The following NACC1 variants were observed in gnomAD, a reference collection of about 807,000 sequenced individuals.
NACC1 encodes the protein nucleus accumbens-associated protein 1.
A neutral mutation model predicts 41.7 loss-of-function variants in NACC1; 6 were observed. The ratio of observed to expected loss-of-function variants is 0.14; its 90% CI spans 0.08 to 0.28. The LOEUF (loss-of-function observed/expected upper bound fraction) is 0.28, where lower values mean the gene tolerates loss of function less well. Among genes scored for constraint, NACC1 ranks in the 10% least tolerant of loss-of-function variants. NACC1 has a pLI of 1.00. For synonymous variants in NACC1, 338 were observed against 330.6 expected (o/e 1.02, Z -0.24); for missense variants, 434 against 763.7 (o/e 0.57, Z 5.09).
intron 1 of NACC1, among the ~76,000 whole-genome samples, chr19:13,134,360 T>C (rs183825863): frequency 1.3e-5 from 2 of 151,176 alleles, no homozygotes; most frequent in East Asian, 3.9e-4. Context: ...GCACCCAGCC[T>C]CATGCAATTT....
rs567914409 is a variant in NACC1, at chr19:13,140,984, G to C, written c.*2578G>C. On this transcript the variant is annotated 3_prime_UTR_variant, in exon 6 of 6. Transcript: ENST00000292431. This position sits in a 1 kb window ranked among gnomAD's most constrained non-coding sequence, Gnocchi z 4.0. ...AGGCTGCCCACCCTGTCCACGTGAA[G>C]TGCCAACGCCCTCCCCACCCTGGGC... 7.9e-4 allele frequency: 120 copies of C among 152,578 alleles called. No homozygotes were observed. The highest frequency in any genetic ancestry group is 2.9e-3 in the African/African-American group (120 of 41,496). 9.5% of individuals were successfully genotyped at this position (152,578 alleles called of 1,614,324 possible).
At position 13,139,770 on chromosome 19, in the gene NACC1, C is replaced by T. The variant is rs190705253; in HGVS notation, c.*1364C>T. ...TTTACCATTCCTCTCTTTTTGTTCTCGCCCAGAGTGGGTGGTTTTTTGTTG... is the reference window on the plus strand; with the variant it reads ...TTTACCATTCCTCTCTTTTTGTTCTTGCCCAGAGTGGGTGGTTTTTTGTTG... On this transcript the variant is annotated 3_prime_UTR_variant, in exon 6 of 6. Coordinates refer to ENST00000292431, the MANE Select transcript of NACC1 (RefSeq NM_052876.4). 384 of 152,578 alleles carry T rather than the reference C, an allele frequency of 2.5e-3. 6 individuals are homozygous for T. The South Asian group carries it at 0.044, about 17-fold the overall frequency. The allele number at this position is 152,578 out of a possible 1,614,324, so 9.5% of individuals were successfully genotyped here.
intron 1 of NACC1, among the ~76,000 whole-genome samples, chr19:13,123,204 T>C (rs920803857): frequency 6.6e-6 from 1 of 152,214 alleles, no homozygotes; most frequent in Non-Finnish European, 1.5e-5. Context: ...TTGCACTTAC[T>C]GTTGTTCCCT....
At chr19:13,117,524 TTTC>T (rs1447698991), upstream of NACC1, 1 of 152,188 alleles carries the variant, frequency 6.6e-6, no homozygotes, top group Non-Finnish European at 1.5e-5. Context: ...CTTGACCAGC[TTTC>T]TTCATTTCTC....
intron 1 of NACC1, among the ~76,000 whole-genome samples, chr19:13,132,770 T>A (rs1202121420): frequency 2.0e-5 from 3 of 152,176 alleles, no homozygotes; most frequent in Non-Finnish European, 4.4e-5. Context: ...TAGTAATGTT[T>A]CCGTGTAATT....
intron 1 of NACC1, among the ~76,000 whole-genome samples, chr19:13,121,555 G>C (rs2019493296): frequency 6.6e-6 from 1 of 152,174 alleles, no homozygotes; most frequent in African/African-American, 2.4e-5. Context: ...AGCCTTACAG[G>C]GTCTATTGAA....
intron 1 of NACC1, among the ~76,000 whole-genome samples, chr19:13,128,755 T>C (rs1045814302): frequency 2.0e-5 from 3 of 152,266 alleles, no homozygotes; most frequent in Non-Finnish European, 4.4e-5. Context: ...TTTGTCACCA[T>C]TGTGGCCTGC....
intron 1 of NACC1, among the ~76,000 whole-genome samples, chr19:13,123,109 A>G (rs2019519723): frequency 6.6e-6 from 1 of 152,160 alleles, no homozygotes; most frequent in Non-Finnish European, 1.5e-5. Context: ...GTTCCCTAGC[A>G]CAGCCCAGCA....
chr19:13,122,526 G>T lies in NACC1; in HGVS notation c.-9+4072G>T, dbSNP rs575450859. Among the ~76,000 whole-genome samples, 62 of 112,422 alleles carry T rather than the reference G, an allele frequency of 5.5e-4. 1 individual carries two copies. Among genetic ancestry groups the T allele is most frequent in the South Asian group, 3.1e-3 (12 of 3,844 alleles). 73.8% of individuals were successfully genotyped at this position (112,422 alleles called of 152,430 possible). A position where few individuals can be genotyped will look rare whatever the true frequency, so the allele number is the denominator to read the frequency against. On this transcript the variant is annotated intron_variant, in intron 1 of 5. Coordinates refer to ENST00000292431, the MANE Select transcript of NACC1 (RefSeq NM_052876.4). ...GGACATTTTTGGTTGCCCCTGCCGGGGGGGGGGGGGTGTGCTGCTGGCATC... is the reference window on the plus strand; with the variant it reads ...GGACATTTTTGGTTGCCCCTGCCGGTGGGGGGGGGGTGTGCTGCTGGCATC...
chr19:13,135,795 C>T lies in NACC1; in HGVS notation c.588C>T (p.Gly196=), dbSNP rs758066919. 239 of 1,556,000 alleles carry T rather than the reference C, an allele frequency of 1.5e-4. 2 individuals carry two copies. In the Middle Eastern group the frequency reaches 5.0e-3, roughly 32 times the overall value. The change falls in exon 2 of 6, where the codon GGC becomes GGT. Residue 196 remains glycine (G), a synonymous_variant. Transcript: ENST00000292431. ...WDSGQKEAGG[G]GNGSRKMAKF... Reference sequence around the variant, plus strand: ...GTGGCCAGAAGGAGGCTGGGGGCGGCGGCAATGGCAGCCGCAAGATGGCCA... The same window carrying T: ...GTGGCCAGAAGGAGGCTGGGGGCGGTGGCAATGGCAGCCGCAAGATGGCCA...
Position 13,126,758 on chromosome 19 carries a change from C to T in NACC1, c.-9+8304C>T, listed in dbSNP as rs559510336. Among the ~76,000 whole-genome samples the T allele has an allele frequency of 2.8e-4, 43 of 152,226 alleles. 1 individual carries two copies. The highest frequency in any genetic ancestry group is 1.0e-3 in the African/African-American group (43 of 41,548). On this transcript the variant is annotated intron_variant, in intron 1 of 5. Coordinates refer to ENST00000292431, the MANE Select transcript of NACC1 (RefSeq NM_052876.4). ...CTGAGCCCTATTCCTGTTTGAGCCA[C>T]GTTAATGTGGAACAAAACAGGGAGT...
chr19:13,138,666 C>G lies in NACC1; in HGVS notation c.*260C>G. 2 of 545,192 alleles carry G rather than the reference C, an allele frequency of 3.7e-6. No individual in the cohort carries two copies. The highest frequency in any genetic ancestry group is 4.1e-5 in the South Asian group (2 of 48,590). The allele number at this position is 545,192 out of a possible 1,614,324, so 33.8% of individuals were successfully genotyped here. ...AGTGGGGGAGTTCTGGCTCCCCAAC[C>G]TAACCCCTAGCCGTCATCTCCACAC... is the stretch of plus-strand genomic sequence containing the variant. On this transcript the variant is annotated 3_prime_UTR_variant, in exon 6 of 6. Coordinates refer to ENST00000292431, the MANE Select transcript of NACC1 (RefSeq NM_052876.4). The surrounding 1 kb of genome is among the most constrained non-coding windows in gnomAD (Gnocchi z 5.7).
At chr19:13,130,518 C>T (rs938452609) in intron 1 of NACC1, among the ~76,000 whole-genome samples, 12 of 151,372 alleles carry the variant, frequency 7.9e-5, no homozygotes, top group African/African-American at 9.7e-5. Flanking sequence ...ACTGTACATA[C>T]ACCTCTTTTT....
At chr19:13,126,331 G>GT (rs2019561450) in intron 1 of NACC1, among the ~76,000 whole-genome samples, 1 of 152,182 alleles carries the variant, frequency 6.6e-6, no homozygotes. Context: ...GGTTACAGGC[G>GT]TGAGTCACCG....
chr19:13,137,625 G>A lies in NACC1; in HGVS notation c.1324+50G>A, dbSNP rs1197328964. The A allele has an allele frequency of 6.7e-7, 1 of 1,488,306 alleles. No individual in the cohort carries two copies. Among genetic ancestry groups the A allele is most frequent in the Non-Finnish European group, 9.1e-7 (1 of 1,097,072 alleles). The allele number at this position is 1,488,306 out of a possible 1,614,324, so 92.2% of individuals were successfully genotyped here. ...GGCGTGGGCCCGGGGCACGCAGGTT[G>A]ACGTTTTTTCCCAGCCTTGGCTCTC... On this transcript the variant is annotated intron_variant, in intron 5 of 5. Transcript: ENST00000292431. The surrounding 1 kb of genome is among the most constrained non-coding windows in gnomAD (Gnocchi z 6.1).
At chr19:13,125,932 T>A (rs937591256) in intron 1 of NACC1, among the ~76,000 whole-genome samples, 1 of 151,928 alleles carries the variant, frequency 6.6e-6, no homozygotes, top group Non-Finnish European at 1.5e-5. Context: ...AGATGGGGTT[T>A]CACCATATTG....
rs1343435538 is a variant in NACC1, at chr19:13,135,804, C to T, written c.597C>T (p.Gly199=). 5 of 1,554,622 alleles carry T rather than the reference C, an allele frequency of 3.2e-6. No homozygotes were observed. In the African/African-American group the frequency reaches 4.1e-5, roughly 13 times the overall value. The change falls in exon 2 of 6, where the codon GGC becomes GGT. Residue 199 remains glycine (G), a synonymous_variant. Transcript: ENST00000292431. ...GQKEAGGGGN[G]SRKMAKFSTP... Reference sequence around the variant, plus strand: ...AGGAGGCTGGGGGCGGCGGCAATGGCAGCCGCAAGATGGCCAAGTTCTCCA... The same window carrying T: ...AGGAGGCTGGGGGCGGCGGCAATGGTAGCCGCAAGATGGCCAAGTTCTCCA...
Position 13,137,341 on chromosome 19 carries a change from C to T in NACC1, c.1191C>T (p.Val397=), listed in dbSNP as rs563515047. 179 of 1,613,898 alleles carry T rather than the reference C, an allele frequency of 1.1e-4. 3 individuals are homozygous for T. The South Asian group carries it at 1.8e-3, about 17-fold the overall frequency. The change falls in exon 4 of 6, where the codon GTC becomes GTT. Residue 397 remains valine, a synonymous_variant. Coordinates refer to ENST00000292431, the MANE Select transcript of NACC1 (RefSeq NM_052876.4). This position sits in a 1 kb window ranked among gnomAD's most constrained non-coding sequence, Gnocchi z 6.1. ...TCAGCGCAGGCACGCGGCACAAGGT[C>T]CTACTGCGGCGGCTCCTGGCCTCCT... is the stretch of plus-strand genomic sequence containing the variant. ...CHVSAGTRHK[V]LLRRLLASFF...
chr19:13,129,155 G>GGAAGAGGGT (rs2019600200), intron 1 of NACC1, among the ~76,000 whole-genome samples: 1 of 152,192 alleles, frequency 6.6e-6, no homozygotes, highest in Non-Finnish European at 1.5e-5. Context: ...AGGGTGCACA[G>GGAAGAGGGT]CTTGGGCAAA....
Sources: allele counts gnomAD v4.1 joint callset (sites outside exome capture counted in the v4.1 genomes callset), GRCh38; gene constraint gnomAD v4.1.1; non-coding constraint Gnocchi (gnomAD v3.1); transcripts MANE v1.5; gene names NCBI Gene and HGNC (gene_info 2026-07-23, HGNC 2026-07-21).